The following PAH variants were observed in gnomAD, a reference collection of about 807,000 sequenced individuals.
PAH encodes phenylalanine hydroxylase, also known as phenylalanine-4-hydroxylase.
In PAH, 64 loss-of-function variants were observed where a neutral mutation model predicts 62.0. The ratio of observed to expected loss-of-function variants is 1.03; its 90% CI spans 0.84 to 1.27. The LOEUF (loss-of-function observed/expected upper bound fraction) is 1.27. PAH is among the 50% of genes most tolerant of loss of function. The probability of loss-of-function intolerance (pLI) is 0.00; values close to 1 mark genes in which losing one functional copy is unlikely to be tolerated. For missense variants in PAH, 579 were observed against 542.8 expected (o/e 1.07, Z -0.66); for synonymous variants, 195 against 196.2 (o/e 0.99, Z 0.05).
Position 102,879,199 on chromosome 12 carries a change from G to A in PAH, c.353-1649C>T, listed in dbSNP as rs117046272. On this transcript the variant is annotated intron_variant, in intron 3 of 12. Transcript: ENST00000553106. Reference sequence around the variant, plus strand: ...AAACGTGTTTTTGAAGCCTTCCTACGTGCCAGGCACTTCTGGTGGAGCATT... The same window carrying A: ...AAACGTGTTTTTGAAGCCTTCCTACATGCCAGGCACTTCTGGTGGAGCATT... Among the ~76,000 whole-genome samples, 22 of 152,176 alleles carry A rather than the reference G, an allele frequency of 1.4e-4. 1 individual carries two copies. The highest frequency in any genetic ancestry group is 6.5e-4 in the Admixed American group (10 of 15,284).
chr12:102,944,093 C>T (rs1035781076), intron 1 of PAH, among the ~76,000 whole-genome samples: 4 of 152,166 alleles, frequency 2.6e-5, no homozygotes, highest in African/African-American at 7.2e-5. Context: ...CATGCTACTT[C>T]CTCCATGCCT....
At chr12:102,929,298 G>T (rs985857910) in intron 1 of PAH, among the ~76,000 whole-genome samples, 2 of 152,174 alleles carry the variant, frequency 1.3e-5, no homozygotes, top group Non-Finnish European at 2.9e-5. Context: ...ATCTTAACAA[G>T]TGTCATGAAG....
intron 3 of PAH, among the ~76,000 whole-genome samples, chr12:102,888,082 C>G (rs1877113974): frequency 6.6e-6 from 1 of 152,102 alleles, no homozygotes; most frequent in Non-Finnish European, 1.5e-5. Flanking sequence ...ACTTGCTCAA[C>G]CCTAAGATTC....
chr12:102,932,004 G>A (rs925758020), intron 1 of PAH, among the ~76,000 whole-genome samples: 8 of 152,092 alleles, frequency 5.3e-5, no homozygotes, highest in Middle Eastern at 3.2e-3. Flanking sequence ...AATGAATGGC[G>A]GTGTGTGTGC....
chr12:102,857,691 A>T (rs1231421312), intron 5 of PAH, among the ~76,000 whole-genome samples: 1 of 152,196 alleles, frequency 6.6e-6, no homozygotes, highest in African/African-American at 2.4e-5. Flanking sequence ...AAGAAAAGGA[A>T]TTTCAACTCA....
At chr12:102,948,182 G>T (rs1225985399) in intron 1 of PAH, among the ~76,000 whole-genome samples, 1 of 152,074 alleles carries the variant, frequency 6.6e-6, no homozygotes, top group Non-Finnish European at 1.5e-5. Flanking sequence ...AGGATGGGAA[G>T]GTACGCATTT....
Position 102,840,470 on chromosome 12 carries a change from G to A in PAH, c.1245C>T (p.Asp415=), listed in dbSNP as rs1482820632. 2 of 1,613,926 alleles carry A rather than the reference G, an allele frequency of 1.2e-6. No homozygotes were observed. Among genetic ancestry groups the A allele is most frequent in the African/African-American group, 1.3e-5 (1 of 74,912 alleles). ...TIPRPFSVRY[D]PYTQRIEVLD... ...AGACCTCAATCCTTTGGGTGTATGGGTCGTAGCGAACTGAGAAGGGCCGAG... is the reference window on the plus strand; with the variant it reads ...AGACCTCAATCCTTTGGGTGTATGGATCGTAGCGAACTGAGAAGGGCCGAG... Residue 415 remains aspartate (D), a synonymous_variant, in exon 12 of 13, where the codon GAC becomes GAT. Coordinates refer to ENST00000553106, the MANE Select transcript of PAH (RefSeq NM_000277.3).
At chr12:102,901,414 A>G (rs1336802980) in intron 2 of PAH, among the ~76,000 whole-genome samples, 1 of 152,162 alleles carries the variant, frequency 6.6e-6, no homozygotes, top group African/African-American at 2.4e-5. Flanking sequence ...GCACCCAACA[A>G]TTTTTGTCTG....
intron 2 of PAH, among the ~76,000 whole-genome samples, chr12:102,898,514 T>A (rs76241566): frequency 0.038 from 5,810 of 152,260 alleles, 194 homozygotes; most frequent in African/African-American, 0.085. Flanking sequence ...AAATTAAAAT[T>A]CACTGAACTT....
intron 1 of PAH, among the ~76,000 whole-genome samples, chr12:102,914,233 C>T (rs1278501546): frequency 6.6e-6 from 1 of 152,156 alleles, no homozygotes; most frequent in Non-Finnish European, 1.5e-5. Context: ...TGTTAAATAT[C>T]CCATTTTGAT....
At chr12:102,897,299 A>G (rs1877544062) in intron 2 of PAH, among the ~76,000 whole-genome samples, 1 of 150,836 alleles carries the variant, frequency 6.6e-6, no homozygotes, top group South Asian at 2.1e-4. Flanking sequence ...TCAATTTTTT[A>G]TTTAACTGCT....
At chr12:102,865,440 G>A (rs538600098) in intron 5 of PAH, among the ~76,000 whole-genome samples, 7 of 152,308 alleles carry the variant, frequency 4.6e-5, no homozygotes, top group Admixed American at 1.3e-4. Context: ...TCAGAAAAAT[G>A]AGAAGTTATT....
Position 102,898,129 on chromosome 12 carries a change from A to C in PAH, c.169-3211T>G, listed in dbSNP as rs183117262. 5.1e-3 allele frequency among the ~76,000 whole-genome samples: 776 copies of C among 152,360 alleles called. 25 individuals are homozygous for C. The highest frequency in any genetic ancestry group is 1.5e-3 in the Non-Finnish European group (101 of 68,028). On this transcript the variant is annotated intron_variant, in intron 2 of 12. Transcript: ENST00000553106. ...GCTGGAAGCACTTGCTAAGCATGGA[A>C]GCATCCCACTCCCACATTCGTGCAA...
chr12:102,853,074 G>C, intron 6 of PAH, 124 bp from the exon 7 acceptor site: 2 of 1,068,846 alleles, frequency 1.9e-6, no homozygotes, highest in Non-Finnish European at 2.8e-6. Flanking sequence ...ACGCTAGGCA[G>C]ACTTGGCTTC....
intron 1 of PAH, among the ~76,000 whole-genome samples, chr12:102,948,930 C>T (rs1467025984): frequency 6.6e-6 from 1 of 152,130 alleles, no homozygotes; most frequent in East Asian, 1.9e-4. Flanking sequence ...ATGGTTGAAC[C>T]AAATTGTATG....
chr12:102,879,485 C>A (rs1015513235), intron 3 of PAH, among the ~76,000 whole-genome samples: 1 of 151,760 alleles, frequency 6.6e-6, no homozygotes, highest in Non-Finnish European at 1.5e-5. Context: ...AGAGCTGATT[C>A]CAGCAGTTCA....
intron 1 of PAH, among the ~76,000 whole-genome samples, chr12:102,947,251 G>A (rs1264015086): frequency 1.3e-5 from 2 of 152,096 alleles, no homozygotes; most frequent in East Asian, 3.9e-4. Flanking sequence ...GTGCCTGTGA[G>A]AGAGTGGTGA....
intron 1 of PAH, among the ~76,000 whole-genome samples, chr12:102,928,883 G>C (rs1465275892): frequency 6.6e-6 from 1 of 152,084 alleles, no homozygotes; most frequent in Admixed American, 6.6e-5. Flanking sequence ...CACTTTTCTA[G>C]GTTCTATGAT....
Position 102,929,661 on chromosome 12 carries a change from C to T in PAH, c.-95-12436G>A, listed in dbSNP as rs184033165. ...AGGTGGAGAGTGGAATGGAGGGTAT[C>T]GAAAGCAGCTAATAGGTGATTGCAC... On this transcript the variant is annotated intron_variant, in intron 1 of 3. Coordinates refer to the PAH transcript ENST00000546844. 1.4e-3 allele frequency among the ~76,000 whole-genome samples: 211 copies of T among 152,126 alleles called. 1 individual carries two copies. The highest frequency in any genetic ancestry group is 1.3e-3 in the Non-Finnish European group (88 of 68,002).
Sources: allele counts gnomAD v4.1 joint callset (sites outside exome capture counted in the v4.1 genomes callset), GRCh38; gene constraint gnomAD v4.1.1; transcripts MANE v1.5; gene names NCBI Gene and HGNC (gene_info 2026-07-23, HGNC 2026-07-21).